Variants in CCDC150 observed in about 807,000 individuals in gnomAD.
The protein encoded by CCDC150 is coiled-coil domain containing 150.
Under a neutral mutation model 156.5 loss-of-function variants are expected in CCDC150, and 151 were observed. That is an observed-to-expected ratio of 0.97 (90% CI 0.85 to 1.10). CCDC150 has a LOEUF of 1.10. CCDC150 is among the 50% of genes least tolerant of loss of function. The pLI is 0.00. For missense variants in CCDC150, 1,312 were observed against 1,268.1 expected (o/e 1.03, Z -0.53); for synonymous variants, 452 against 429.4 (o/e 1.05, Z -0.65).
chr2:196,643,308 A>T (rs1692347098), intron 1 of CCDC150, among the ~76,000 whole-genome samples: 1 of 152,134 alleles, frequency 6.6e-6, no homozygotes, highest in Non-Finnish European at 1.5e-5. Flanking sequence ...CTCCTTTTTG[A>T]AAGTATATTT....
chr2:196,706,148 T>C (rs968135329), intron 15 of CCDC150, among the ~76,000 whole-genome samples: 1 of 151,696 alleles, frequency 6.6e-6, no homozygotes, highest in African/African-American at 2.4e-5. Context: ...TACGGCATTA[T>C]GGAAGAACAA....
At chr2:196,702,157 G>A (rs1042055642) in intron 15 of CCDC150, among the ~76,000 whole-genome samples, 4 of 152,134 alleles carry the variant, frequency 2.6e-5, no homozygotes, top group African/African-American at 9.7e-5. Context: ...CCCCAAGTGG[G>A]AGGATCACTT....
At chr2:196,676,007 TAAAAAG>T (rs1220443336) in intron 10 of CCDC150, 130 bp from the exon 11 acceptor site, 1 of 748,238 alleles carries the variant, frequency 1.3e-6, no homozygotes, top group African/African-American at 1.8e-5. Context: ...TAAATTGTTT[TAAAAAG>T]AGGTTTTATT....
intron 17 of CCDC150, among the ~76,000 whole-genome samples, chr2:196,714,834 C>A (rs1216960800): frequency 1.3e-5 from 2 of 152,034 alleles, no homozygotes; most frequent in Non-Finnish European, 2.9e-5. Flanking sequence ...ACTTAAAAAA[C>A]TGGTAGAATT....
At chr2:196,697,832 G>T (rs1695927955) in intron 14 of CCDC150, among the ~76,000 whole-genome samples, 2 of 152,132 alleles carry the variant, frequency 1.3e-5, no homozygotes, top group African/African-American at 4.8e-5. Context: ...AATGATTTTA[G>T]AAATAATTTT....
intron 7 of CCDC150, 31 bp from the exon 8 acceptor site, chr2:196,669,802 T>G: frequency 3.5e-6 from 5 of 1,444,240 alleles, no homozygotes; most frequent in Non-Finnish European, 4.8e-6. Context: ...AAGTTACTAT[T>G]ATCATAGTTA....
chr2:196,653,262 A>G (rs1165156271), intron 2 of CCDC150, among the ~76,000 whole-genome samples: 1 of 152,184 alleles, frequency 6.6e-6, no homozygotes, highest in Non-Finnish European at 1.5e-5. Flanking sequence ...AAATTTTCCA[A>G]ATTTTTATAC....
Position 196,719,600 on chromosome 2 carries a change from C to A in CCDC150, c.2099C>A (p.Ala700Asp), listed in dbSNP as rs1310506291. The change falls in exon 19 of 28, where the codon GCT (alanine) becomes GAT (aspartate). Residue 700 changes from alanine (A) to aspartate (D), a missense_variant. Ala to Asp is a moderately radical substitution (Grantham distance 126). Coordinates refer to ENST00000389175, the MANE Select transcript of CCDC150 (RefSeq NM_001080539.2). ...VLASHSKMQG[A>D]LEKVQIELGR... ...GCTTCTCACAGTAAGATGCAAGGTG[C>A]TCTGGAGAAAGTACAAATAGAGCTT... 6.2e-7 allele frequency: 1 copy of A among 1,613,436 alleles called. No homozygotes were observed. Among genetic ancestry groups the A allele is most frequent in the Non-Finnish European group, 8.5e-7 (1 of 1,179,676 alleles).
Position 196,732,163 on chromosome 2 carries a change from G to A in CCDC150, c.3189+11G>A, listed in dbSNP as rs1442024069. The stretch of plus-strand genomic sequence containing the variant: ...AGGTGGCAGGAAAAGGTAAGATTAA[G>A]ACATGGATGTCTTAAGCAATTTTCT... On this transcript the variant is annotated intron_variant, in intron 27 of 27. Transcript: ENST00000389175. 6.2e-7 allele frequency: 1 copy of A among 1,613,570 alleles called. No homozygotes were observed. The highest frequency in any genetic ancestry group is 1.7e-5 in the Admixed American group (1 of 59,918).
chr2:196,718,669 A>G, intron 18 of CCDC150, 38 bp downstream of exon 18: 2 of 1,604,784 alleles, frequency 1.2e-6, no homozygotes, highest in East Asian at 2.2e-5. Flanking sequence ...TGTCACTGAG[A>G]AGAAGCACTT....
intron 21 of CCDC150, among the ~76,000 whole-genome samples, chr2:196,721,939 C>G (rs1237490298): frequency 6.6e-6 from 1 of 152,148 alleles, no homozygotes; most frequent in Non-Finnish European, 1.5e-5. Context: ...CTGCTTTACT[C>G]AAAGGTTAAA....
chr2:196,680,527 C>G (rs1315105908), intron 13 of CCDC150, among the ~76,000 whole-genome samples: 1 of 152,082 alleles, frequency 6.6e-6, no homozygotes, highest in Non-Finnish European at 1.5e-5. Flanking sequence ...TCTCGAACTC[C>G]TGGGCTCAAG....
chr2:196,673,621 T>C (rs1694332704), intron 9 of CCDC150, among the ~76,000 whole-genome samples: 1 of 152,174 alleles, frequency 6.6e-6, no homozygotes, highest in South Asian at 2.1e-4. Context: ...GTTTAAAACA[T>C]AAGATCTTTG....
In CCDC150 at chr2:196,646,288, AT is replaced by A. The variant is rs947045673; in HGVS notation, c.13-48del. The A allele has an allele frequency of 4.5e-6, 7 of 1,542,890 alleles. No homozygotes were observed. The Admixed American group carries it at 1.0e-4, about 22-fold the overall frequency. The stretch of plus-strand genomic sequence containing the variant: ...TCCTGGCACAGGAATGGCAGTGACT[AT>A]TTTTGAACAATAATAGGACCTACCA... On this transcript the variant is annotated intron_variant, in intron 1 of 27. Coordinates refer to ENST00000389175, the MANE Select transcript of CCDC150 (RefSeq NM_001080539.2).
chr2:196,703,200 G>A (rs1274979700), intron 15 of CCDC150, among the ~76,000 whole-genome samples: 1 of 152,126 alleles, frequency 6.6e-6, no homozygotes, highest in East Asian at 1.9e-4. Flanking sequence ...GAAGCTTGCC[G>A]AACACATCAG....
chr2:196,678,438 G>A (rs1694634245), intron 13 of CCDC150, among the ~76,000 whole-genome samples: 1 of 152,144 alleles, frequency 6.6e-6, no homozygotes, highest in African/African-American at 2.4e-5. Context: ...GCTAGCAGGT[G>A]CTTTCTCTGG....
chr2:196,713,560 C>A, intron 17 of CCDC150: 1 of 1,550,034 alleles, frequency 6.5e-7, no homozygotes, highest in Non-Finnish European at 8.7e-7. Flanking sequence ...ACTCTAGGAT[C>A]TCTCTAAAGA....
chr2:196,647,458 G>A (rs950410970), intron 2 of CCDC150, among the ~76,000 whole-genome samples: 1 of 151,780 alleles, frequency 6.6e-6, no homozygotes, highest in South Asian at 2.1e-4. Flanking sequence ...ACAAGAAAAG[G>A]TTTATGAAAA....
intron 15 of CCDC150, among the ~76,000 whole-genome samples, chr2:196,707,050 C>G (rs944164617): frequency 4.6e-5 from 7 of 152,182 alleles, no homozygotes; most frequent in Non-Finnish European, 7.3e-5. Context: ...AGGATTCCCT[C>G]TTTTTCTATT....
Sources: gnomAD v4.1 joint callset for allele counts (sites outside exome capture counted in the v4.1 genomes callset) on GRCh38, gnomAD v4.1.1 for gene constraint, MANE v1.5 for transcripts, NCBI Gene and HGNC (gene_info 2026-07-23, HGNC 2026-07-21) for gene names.